Variants in NRG1 observed in about 807,000 individuals in gnomAD.
NRG1 encodes the protein neuregulin 1.
A neutral mutation model predicts 63.8 loss-of-function variants in NRG1; 18 were observed. The ratio of observed to expected loss-of-function variants is 0.28; its 90% CI spans 0.19 to 0.42. The LOEUF is 0.42. Among genes scored for constraint, NRG1 ranks in the 10% least tolerant of loss-of-function variants. NRG1 has a pLI of 1.00. For synonymous variants in NRG1, 302 were observed against 301.3 expected, an observed-to-expected ratio of 1.00 and a Z score of -0.02; for missense variants, 762 against 814.7, an observed-to-expected ratio of 0.94 and a Z score of 0.79.
At position 32,685,552 on chromosome 8, in the gene NRG1, A is replaced by T. The variant is rs147287509; in HGVS notation, c.503-42397A>T. ...CCTCATCTTCCATTGAGGATTGCTTATGGAAACAACGTAATAGATTCCTAG... is the reference window on the plus strand; with the variant it reads ...CCTCATCTTCCATTGAGGATTGCTTTTGGAAACAACGTAATAGATTCCTAG... On this transcript the variant is annotated intron_variant, in intron 5 of 11. Coordinates refer to ENST00000356819, the Ensembl canonical transcript of NRG1. Among the ~76,000 whole-genome samples, 78 of 152,344 alleles carry T rather than the reference A, an allele frequency of 5.1e-4. 1 individual carries two copies. Among genetic ancestry groups the T allele is most frequent in the African/African-American group, 1.7e-3 (71 of 41,588 alleles).
chr8:32,064,282 G>A (rs980114310), intron 1 of NRG1, among the ~76,000 whole-genome samples: 1 of 152,088 alleles, frequency 6.6e-6, no homozygotes, highest in Non-Finnish European at 1.5e-5. Flanking sequence ...AAGATGGGAT[G>A]GAGATTCTGG....
chr8:32,067,692 G>T (rs1394796524), intron 1 of NRG1, among the ~76,000 whole-genome samples: 1 of 152,116 alleles, frequency 6.6e-6, no homozygotes, highest in South Asian at 2.1e-4. Flanking sequence ...CACAGCAAGA[G>T]ATCTCCTCCA....
At chr8:31,728,399 G>A (rs1348386735) in intron 1 of NRG1, among the ~76,000 whole-genome samples, 1 of 152,158 alleles carries the variant, frequency 6.6e-6, no homozygotes, top group East Asian at 1.9e-4. Context: ...CGGAGGCAGA[G>A]GTTGCAGTGA....
chr8:32,317,765 T>A (rs1800932382), intron 1 of NRG1, among the ~76,000 whole-genome samples: 2 of 152,208 alleles, frequency 1.3e-5, no homozygotes, highest in African/African-American at 4.8e-5. Context: ...AGGAATGCTA[T>A]TGAAATGACA....
downstream of NRG1, among the ~76,000 whole-genome samples, chr8:32,769,309 G>A (rs915210339): frequency 4.6e-5 from 7 of 152,148 alleles, no homozygotes; most frequent in Non-Finnish European, 8.8e-5. Flanking sequence ...GAGGTGGTTT[G>A]GAAAGAGTGA....
chr8:31,828,802 T>G (rs1824830897), intron 1 of NRG1, among the ~76,000 whole-genome samples: 1 of 152,362 alleles, frequency 6.6e-6, no homozygotes, highest in South Asian at 2.1e-4. Context: ...TCTCCATATA[T>G]TCTTCAAACT....
At chr8:32,429,509 A>G (rs1817859909) in intron 1 of NRG1, among the ~76,000 whole-genome samples, 2 of 152,218 alleles carry the variant, frequency 1.3e-5, no homozygotes, top group South Asian at 2.1e-4. Context: ...GCAAATATGT[A>G]TATTTCTAAT....
intron 1 of NRG1, among the ~76,000 whole-genome samples, chr8:32,536,719 G>A (rs1340957975): frequency 2.0e-5 from 3 of 150,888 alleles, no homozygotes; most frequent in East Asian, 2.0e-4. Context: ...TCAGAAGATC[G>A]AGACCATCCT....
intron 1 of NRG1, among the ~76,000 whole-genome samples, chr8:31,857,409 G>A (rs970204540): frequency 6.6e-6 from 1 of 152,218 alleles, no homozygotes; most frequent in African/African-American, 2.4e-5. Flanking sequence ...CTTTGACTAG[G>A]AAAGGGAACT....
chr8:32,375,364 G>GAT (rs1809487570), intron 1 of NRG1, among the ~76,000 whole-genome samples: 1 of 152,114 alleles, frequency 6.6e-6, no homozygotes, highest in African/African-American at 2.4e-5. Context: ...TATGAGGAAA[G>GAT]GTGATAGAAC....
In NRG1 at chr8:32,387,540, T is replaced by C. The variant is rs60712613; in HGVS notation, c.38-208288T>C. ...GTGTTCTGAGCCATAGCTAGGCTTATGCACATAACAAAGTCTGATTCCCAG... is the reference window on the plus strand; with the variant it reads ...GTGTTCTGAGCCATAGCTAGGCTTACGCACATAACAAAGTCTGATTCCCAG... On this transcript the variant is annotated intron_variant, in intron 1 of 10. Transcript: ENST00000519301. Among the ~76,000 whole-genome samples, 1,381 of 152,284 alleles carry C rather than the reference T, an allele frequency of 9.1e-3. 23 individuals are homozygous for C. Among genetic ancestry groups the C allele is most frequent in the African/African-American group, 0.032 (1,330 of 41,552 alleles).
At chr8:31,755,166 T>A (rs1816845427) in intron 1 of NRG1, among the ~76,000 whole-genome samples, 1 of 152,108 alleles carries the variant, frequency 6.6e-6, no homozygotes, top group Non-Finnish European at 1.5e-5. Context: ...GCTCATTTCC[T>A]CCAGAGGCTG....
At chr8:31,701,705 T>C (rs953382883) in intron 1 of NRG1, among the ~76,000 whole-genome samples, 86 of 152,278 alleles carry the variant, frequency 5.6e-4, no homozygotes, top group African/African-American at 2.0e-3. Flanking sequence ...TTGGTTTCTT[T>C]TGAAGCTGCC....
chr8:32,605,641 A>G (rs1845134322), exon 3 of NRG1: 2 of 1,613,340 alleles, frequency 1.2e-6, no homozygotes, highest in Non-Finnish European at 1.7e-6. Flanking sequence ...CAAATTAGGA[A>G]ATGACAGTGC....
chr8:32,546,468 T>G (rs1046433791), upstream of NRG1, among the ~76,000 whole-genome samples: 1 of 152,194 alleles, frequency 6.6e-6, no homozygotes, highest in South Asian at 2.1e-4. Context: ...AAATATCTGT[T>G]TTGAAAGGAC....
intron 5 of NRG1, among the ~76,000 whole-genome samples, chr8:32,683,800 C>T (rs950833043): frequency 6.6e-6 from 1 of 151,512 alleles, no homozygotes; most frequent in Non-Finnish European, 1.5e-5. Flanking sequence ...TTGTCATTGT[C>T]TCCTGCTGAC....
chr8:32,392,298 AAGCCCTTTATTG>A, intron 1 of NRG1, among the ~76,000 whole-genome samples: 1 of 152,306 alleles, frequency 6.6e-6, no homozygotes, highest in South Asian at 2.1e-4. Context: ...TAATTTAGTA[AAGCCCTTTATTG>A]AAACATTTAC....
At chr8:32,536,123 G>A (rs1350838875) in intron 1 of NRG1, among the ~76,000 whole-genome samples, 1 of 152,162 alleles carries the variant, frequency 6.6e-6, no homozygotes, top group Admixed American at 6.5e-5. Context: ...ACACTTTGTA[G>A]GTCAGAAGTC....
chr8:31,689,896 A>G (rs1809313441), intron 1 of NRG1, among the ~76,000 whole-genome samples: 2 of 152,218 alleles, frequency 1.3e-5, no homozygotes, highest in Non-Finnish European at 2.9e-5. Flanking sequence ...ATAGGTTATT[A>G]GAATAGGCCC....
Sources: allele counts gnomAD v4.1 joint callset (sites outside exome capture counted in the v4.1 genomes callset), GRCh38; gene constraint gnomAD v4.1.1; transcripts MANE v1.5; gene names NCBI Gene and HGNC (gene_info 2026-07-23, HGNC 2026-07-21).